The following QKI variants were observed in gnomAD, a reference collection of about 807,000 sequenced individuals.
QKI encodes the protein QKI, KH domain containing RNA binding, also known as KH domain-containing RNA-binding protein QKI.
In QKI, 10 loss-of-function variants were observed where a neutral mutation model predicts 39.0. The observed-to-expected ratio is 0.26, with a 90% CI of 0.16 to 0.43. The LOEUF (loss-of-function observed/expected upper bound fraction) is 0.43. Among genes scored for constraint, QKI ranks in the 20% least tolerant of loss-of-function variants. The probability of loss-of-function intolerance (pLI) is 1.00; values close to 1 mark genes in which losing one functional copy is unlikely to be tolerated. For synonymous variants in QKI, 204 were observed against 155.4 expected (o/e 1.31, Z -2.33); for missense variants, 218 against 428.0 (o/e 0.51, Z 4.33).
At chr6:163,552,521 T>A (rs1249571068) in intron 4 of QKI, among the ~76,000 whole-genome samples, 1 of 152,114 alleles carries the variant, frequency 6.6e-6, no homozygotes. Flanking sequence ...CATAAAGTTC[T>A]TTATCCTAAT....
intron 3 of QKI, among the ~76,000 whole-genome samples, chr6:163,523,210 T>TA (rs199727900): frequency 0.01 from 1,529 of 152,334 alleles, 11 homozygotes; most frequent in Non-Finnish European, 0.015. Context: ...AGAAGGCAGG[T>TA]AAAATACTCT....
chr6:163,445,564 A>G (rs1562441083), intron 1 of QKI, among the ~76,000 whole-genome samples: 1 of 151,524 alleles, frequency 6.6e-6, no homozygotes, highest in Non-Finnish European at 1.5e-5. Flanking sequence ...AAACAATCAC[A>G]CACAAGCGCT....
chr6:163,554,171 G>GGGCT lies in QKI; in HGVS notation c.547-7809_547-7806dup, dbSNP rs780079598. Among the ~76,000 whole-genome samples, 5 of 152,302 alleles carry GGGCT rather than the reference G, an allele frequency of 3.3e-5. No homozygotes were observed. The East Asian group carries it at 9.6e-4, about 29-fold the overall frequency. ...TGCTTCTGGTGTGCATGGAGGGAAG[G>GGGCT]GGCTGCACGATGAGACTGGTTCTAG... On this transcript the variant is annotated intron_variant, in intron 4 of 7. Coordinates refer to ENST00000361752, the MANE Select transcript of QKI (RefSeq NM_006775.3).
In QKI at chr6:163,439,361, G is replaced by GT. The variant is rs1562434580; in HGVS notation, c.143-15918_143-15917insT. The stretch of plus-strand genomic sequence containing the variant: ...TTTTGTTTTTTTTTTTTTTCGGGGG[G>GT]GTGGGGGACGGAGTCTCACTCTGTT... On this transcript the variant is annotated intron_variant, in intron 1 of 7. Transcript: ENST00000361752. Among the ~76,000 whole-genome samples, 2 of 147,468 alleles carry GT rather than the reference G, an allele frequency of 1.4e-5. 1 individual carries two copies. Among genetic ancestry groups the GT allele is most frequent in the African/African-American group, 5.0e-5 (2 of 39,894 alleles).
intron 4 of QKI, among the ~76,000 whole-genome samples, chr6:163,556,337 A>C (rs1053738910): frequency 6.6e-6 from 1 of 152,048 alleles, no homozygotes; most frequent in African/African-American, 2.4e-5. Flanking sequence ...ACATGGTGAA[A>C]CCGCATCTCT....
Position 163,445,326 on chromosome 6 carries a change from CTG to C in QKI, c.143-9951_143-9950del, listed in dbSNP as rs763348095. 1.3e-4 allele frequency among the ~76,000 whole-genome samples: 20 copies of C among 152,244 alleles called. No homozygotes were observed. The East Asian group carries it at 1.4e-3, about 10-fold the overall frequency. On this transcript the variant is annotated intron_variant, in intron 1 of 7. Coordinates refer to ENST00000361752, the MANE Select transcript of QKI (RefSeq NM_006775.3). The stretch of plus-strand genomic sequence containing the variant: ...TTTTTCTGGTCCAGGTTTTCCTACT[CTG>C]TTGGTTTTTCTGGTCCAGGTTTTCC...
chr6:163,448,434 G>A (rs1790313588), intron 1 of QKI, among the ~76,000 whole-genome samples: 1 of 149,062 alleles, frequency 6.7e-6, no homozygotes, highest in African/African-American at 2.5e-5. Context: ...TCACTTAATA[G>A]TCTGTACTCT....
intron 3 of QKI, among the ~76,000 whole-genome samples, chr6:163,496,475 A>G (rs1778418702): frequency 6.6e-6 from 1 of 152,178 alleles, no homozygotes. Context: ...GAGTTTAACT[A>G]CTACATTGTG....
At chr6:163,568,730 A>G (rs528071039) in intron 7 of QKI, 45 of 985,538 alleles carry the variant, frequency 4.6e-5, no homozygotes, top group African/African-American at 3.8e-4. Context: ...GTAATTCTAT[A>G]TGAACGTTTA....
intron 2 of QKI, among the ~76,000 whole-genome samples, chr6:163,470,705 C>T (rs1792117551): frequency 6.6e-6 from 1 of 152,006 alleles, no homozygotes; most frequent in South Asian, 2.1e-4. Flanking sequence ...GAAATGGAAG[C>T]TATAAAAGAA....
chr6:163,502,933 C>A (rs1778861537), intron 3 of QKI, among the ~76,000 whole-genome samples: 1 of 152,096 alleles, frequency 6.6e-6, no homozygotes, highest in African/African-American at 2.4e-5. Context: ...AATTCTTTTC[C>A]ACAGTGGCTG....
At chr6:163,466,177 A>G (rs1445540033) in intron 2 of QKI, among the ~76,000 whole-genome samples, 2 of 152,094 alleles carry the variant, frequency 1.3e-5, no homozygotes, top group African/African-American at 4.8e-5. Flanking sequence ...GGAAAGAATA[A>G]TATAATTAGA....
Position 163,415,265 on chromosome 6 carries a change from C to T in QKI, c.72C>T (p.Asp24=). 6.3e-7 allele frequency: 1 copy of T among 1,597,760 alleles called. No individual in the cohort carries two copies. The highest frequency in any genetic ancestry group is 1.1e-5 in the South Asian group (1 of 90,286). ...TPDYLMQLMN[D]KKLMSSLPNF... ...ATTACCTGATGCAGCTGATGAACGACAAGAAGCTCATGAGCAGCCTGCCCA... is the reference window on the plus strand; with the variant it reads ...ATTACCTGATGCAGCTGATGAACGATAAGAAGCTCATGAGCAGCCTGCCCA... Residue 24 remains aspartate (D), a synonymous_variant, in exon 1 of 8, where the codon GAC becomes GAT. Transcript: ENST00000361752.
At position 163,455,343 on chromosome 6, in the gene QKI, T is replaced by A. The variant is rs762912785; in HGVS notation, c.207T>A (p.Ser69Arg). The change falls in exon 2 of 8, where the codon AGT (serine) becomes AGA (arginine). Residue 69 changes from serine (S) to arginine (R), a missense_variant. By Grantham distance (110) the Ser-to-Arg change is moderately radical (BLOSUM62 -1). This residue lies in a region of QKI where 61 missense variants were observed against 193.3 expected (regional missense o/e 0.32). Transcript: ENST00000361752. ...TAAATGGCAGTACAGAGAAAAGGAGTGCAGAATTGCCTGATGCTGTGGGAC... is the reference window on the plus strand; with the variant it reads ...TAAATGGCAGTACAGAGAAAAGGAGAGCAGAATTGCCTGATGCTGTGGGAC... ...DTLNGSTEKR[S>R]AELPDAVGPI... The A allele has an allele frequency of 1.2e-6, 2 of 1,612,922 alleles. No individual in the cohort carries two copies. The highest frequency in any genetic ancestry group is 1.1e-5 in the South Asian group (1 of 91,036).
intron 1 of QKI, among the ~76,000 whole-genome samples, chr6:163,423,766 G>A (rs1439096908): frequency 2.0e-5 from 3 of 152,224 alleles, no homozygotes; most frequent in African/African-American, 7.2e-5. Context: ...TTCTTTGTAA[G>A]CAAAGGCTAG....
At chr6:163,542,039 A>C (rs1470590982) in intron 4 of QKI, among the ~76,000 whole-genome samples, 1 of 151,948 alleles carries the variant, frequency 6.6e-6, no homozygotes, top group Non-Finnish European at 1.5e-5. Flanking sequence ...CCATACCAGG[A>C]GAGAGTACTT....
rs1267435049 is a variant in QKI, at chr6:163,447,181, T to A, written c.143-8098T>A. On this transcript the variant is annotated intron_variant, in intron 1 of 7. Transcript: ENST00000361752. ...AGCTGTGACTTGGTCCAGTTTCTTT[T>A]ATTTTTTTGATTTACCTTTTCTTTA... 3.3e-5 allele frequency among the ~76,000 whole-genome samples: 5 copies of A among 152,112 alleles called. 1 individual carries two copies. Among genetic ancestry groups the A allele is most frequent in the African/African-American group, 1.2e-4 (5 of 41,574 alleles).
At chr6:163,463,181 C>A (rs1791471008) in intron 2 of QKI, among the ~76,000 whole-genome samples, 1 of 152,078 alleles carries the variant, frequency 6.6e-6, no homozygotes, top group Admixed American at 6.6e-5. Flanking sequence ...AATGAGAAAA[C>A]TAACCATGAA....
chr6:163,434,620 C>G (rs1789103723), intron 1 of QKI, among the ~76,000 whole-genome samples: 1 of 151,630 alleles, frequency 6.6e-6, no homozygotes, highest in African/African-American at 2.4e-5. Flanking sequence ...GATGTTGAGG[C>G]AGGAAAATGG....
Sources: gnomAD v4.1 joint callset for allele counts (sites outside exome capture counted in the v4.1 genomes callset) on GRCh38, gnomAD v4.1.1 for gene constraint, gnomAD v4.1.1 regional missense constraint, MANE v1.5 for transcripts, NCBI Gene and HGNC (gene_info 2026-07-23, HGNC 2026-07-21) for gene names.